The following BCHE variants were observed in gnomAD, a reference collection of about 807,000 sequenced individuals.
BCHE encodes cholinesterase.
A neutral mutation model predicts 51.3 loss-of-function variants in BCHE; 48 were observed. The observed-to-expected ratio is 0.94, with a 90% CI of 0.74 to 1.19. BCHE has a LOEUF of 1.19. Among genes scored for constraint, BCHE ranks in the 50% most tolerant of loss-of-function variants. BCHE has a pLI of 0.00. For synonymous variants in BCHE, 251 were observed against 238.0 expected, an observed-to-expected ratio of 1.05 and a Z score of -0.50; for missense variants, 847 against 708.2, an observed-to-expected ratio of 1.20 and a Z score of -2.23.
rs975738967 is a variant in BCHE, at chr3:165,829,639, C to T, written c.1395G>A (p.Met465Ile). 7 of 1,613,736 alleles carry T rather than the reference C, an allele frequency of 4.3e-6. No individual in the cohort carries two copies. In the African/African-American group the frequency reaches 6.7e-5, roughly 15 times the overall value. Reference protein sequence around the residue: ...KLPWPEWMGVMHGYEIEFVFG... With the variant: ...KLPWPEWMGVIHGYEIEFVFG... ...AGACAAATTCAATTTCATAGCCATG[C>T]ATCACTCCCATCCATTCTGGCCACG... is the stretch of plus-strand genomic sequence containing the variant. The change falls in exon 2 of 4, where the codon ATG becomes ATA. Residue 465 changes from methionine (M) to isoleucine (I), a missense_variant. Coordinates refer to ENST00000264381, the MANE Select transcript of BCHE (RefSeq NM_000055.4).
intron 2 of BCHE, among the ~76,000 whole-genome samples, chr3:165,814,215 C>T (rs1448242243): frequency 1.3e-5 from 2 of 149,662 alleles, no homozygotes; most frequent in Admixed American, 1.4e-4. Flanking sequence ...TTACAAATAA[C>T]ACATTTTCTG....
chr3:165,786,145 C>T lies in BCHE; in HGVS notation c.1684G>A (p.Gly562Arg). ...AACCAAACACTAAAAACAGACACAC[C>T]TGTCATTTCCAAGACTTTTGGAAAA... ...SFFPKVLEMT[G>R]NIDEAEWEWK... is the part of the protein sequence containing the mutation. Residue 562 changes from glycine to arginine, a missense_variant and splice_region_variant, in exon 3 of 4, where the codon GGA becomes AGA. By Grantham distance (125) the Gly-to-Arg change is moderately radical (BLOSUM62 -2). Coordinates refer to ENST00000264381, the MANE Select transcript of BCHE (RefSeq NM_000055.4). 1 of 1,611,150 alleles carries T rather than the reference C, an allele frequency of 6.2e-7. No homozygotes were observed. The highest frequency in any genetic ancestry group is 8.5e-7 in the Non-Finnish European group (1 of 1,177,868).
intron 2 of BCHE, among the ~76,000 whole-genome samples, chr3:165,800,677 A>T (rs1237673159): frequency 6.6e-6 from 1 of 152,118 alleles, no homozygotes; most frequent in African/African-American, 2.4e-5. Flanking sequence ...GAGAAATGGC[A>T]TATGAGGGCT....
At chr3:165,817,522 C>T (rs1714356192) in intron 2 of BCHE, among the ~76,000 whole-genome samples, 1 of 151,912 alleles carries the variant, frequency 6.6e-6, no homozygotes, top group Admixed American at 6.6e-5. Context: ...ATACCTATTC[C>T]AGCCGCACTA....
At chr3:165,780,454 A>G (rs1240711320) in intron 3 of BCHE, among the ~76,000 whole-genome samples, 2 of 152,224 alleles carry the variant, frequency 1.3e-5, no homozygotes, top group South Asian at 2.1e-4. Context: ...AAAATAAACT[A>G]TCATCAGAGT....
At chr3:165,778,025 A>C (rs1712540979) in intron 3 of BCHE, among the ~76,000 whole-genome samples, 1 of 152,102 alleles carries the variant, frequency 6.6e-6, no homozygotes, top group Non-Finnish European at 1.5e-5. Context: ...CTTAATCAGT[A>C]GTTAAATTTT....
At chr3:165,810,069 A>G (rs1327093956) in intron 2 of BCHE, among the ~76,000 whole-genome samples, 4 of 152,210 alleles carry the variant, frequency 2.6e-5, no homozygotes, top group Admixed American at 6.5e-5. Flanking sequence ...CATGCTTACT[A>G]AGTGACAGAC....
intron 2 of BCHE, among the ~76,000 whole-genome samples, chr3:165,786,650 T>C (rs770408394): frequency 6.6e-6 from 1 of 151,804 alleles, no homozygotes; most frequent in Non-Finnish European, 1.5e-5. Flanking sequence ...TGTTTCATTA[T>C]CTTCCCTTAT....
At chr3:165,814,943 TTTAA>T (rs1714248403) in intron 2 of BCHE, among the ~76,000 whole-genome samples, 1 of 148,822 alleles carries the variant, frequency 6.7e-6, no homozygotes, top group South Asian at 2.1e-4. Flanking sequence ...TATACTAATA[TTTAA>T]TTATAAATTT....
intron 2 of BCHE, among the ~76,000 whole-genome samples, chr3:165,805,524 T>C (rs1048700000): frequency 6.6e-6 from 1 of 152,182 alleles, no homozygotes; most frequent in African/African-American, 2.4e-5. Context: ...CAATGTTTTG[T>C]TACATATTTT....
intron 2 of BCHE, among the ~76,000 whole-genome samples, chr3:165,817,979 T>A (rs914476615): frequency 1.3e-5 from 2 of 152,072 alleles, no homozygotes; most frequent in South Asian, 2.1e-4. Context: ...CTGACCATAA[T>A]TATTTTATAC....
chr3:165,781,723 G>A (rs1280779955), intron 3 of BCHE, among the ~76,000 whole-genome samples: 1 of 151,970 alleles, frequency 6.6e-6, no homozygotes, highest in Non-Finnish European at 1.5e-5. Flanking sequence ...AAACCTGCAC[G>A]TTCTACACAT....
chr3:165,773,191 C>A lies in BCHE; in HGVS notation c.*191G>T. 3.9e-6 allele frequency: 2 copies of A among 512,286 alleles called. No homozygotes were observed. The highest frequency in any genetic ancestry group is 1.9e-5 in the African/African-American group (1 of 51,534). The allele number at this position is 512,286 out of a possible 1,614,324, so 31.7% of individuals were successfully genotyped here. A position where few individuals can be genotyped will look rare whatever the true frequency, so the allele number is the denominator to read the frequency against. Reference sequence around the variant, plus strand: ...CTTTATATTGTGAAATTTAATTAAACACGTTCTAGCCATTTGGGTTTTGAA... The same window carrying A: ...CTTTATATTGTGAAATTTAATTAAAAACGTTCTAGCCATTTGGGTTTTGAA... On this transcript the variant is annotated 3_prime_UTR_variant, in exon 4 of 4. Transcript: ENST00000264381.
chr3:165,785,662 AT>A (rs953261344), intron 3 of BCHE, among the ~76,000 whole-genome samples: 3 of 151,604 alleles, frequency 2.0e-5, no homozygotes, highest in African/African-American at 7.2e-5. Flanking sequence ...ATATTTAGAA[AT>A]TTTTTATTGT....
chr3:165,796,594 G>T (rs897884748), intron 2 of BCHE, among the ~76,000 whole-genome samples: 2 of 152,050 alleles, frequency 1.3e-5, no homozygotes, highest in Non-Finnish European at 2.9e-5. Flanking sequence ...TATTTTCACC[G>T]TTGCTGAGAT....
chr3:165,816,934 T>C (rs1280544300), intron 2 of BCHE, among the ~76,000 whole-genome samples: 1 of 152,096 alleles, frequency 6.6e-6, no homozygotes, highest in East Asian at 1.9e-4. Context: ...TTTTTCTCCC[T>C]TGAATTTCAG....
rs114991020 is a variant in BCHE at position 165,830,100 on chromosome 3, T to A, written c.934A>T (p.Thr312Ser). Residue 312 changes from threonine (T) to serine (S), a missense_variant, in exon 2 of 4, where the codon ACT becomes TCT. Coordinates refer to ENST00000264381, the MANE Select transcript of BCHE (RefSeq NM_000055.4). ...LNEAFVVPYGTPLSVNFGPTV... is the reference protein window; with the variant it reads ...LNEAFVVPYGSPLSVNFGPTV... ...GGACCAAAGTTTACTGACAAAGGAG[T>A]CCCATAGGGGACAACAAATGCTTCA... The A allele has an allele frequency of 3.9e-5, 63 of 1,613,582 alleles. No homozygotes were observed. The East Asian group carries it at 1.4e-3, about 36-fold the overall frequency.
In BCHE at chr3:165,773,172, AT is replaced by A; in HGVS notation, c.*209del. ...CACATAATTAACTGTAGAACTTTAT[AT>A]TGTGAAATTTAATTAAACACGTTCT... is the stretch of plus-strand genomic sequence containing the variant. On this transcript the variant is annotated 3_prime_UTR_variant, in exon 4 of 4. Transcript: ENST00000264381. The A allele has an allele frequency of 2.1e-6, 1 of 475,496 alleles. No individual in the cohort carries two copies. Among genetic ancestry groups the A allele is most frequent in the Non-Finnish European group, 3.7e-6 (1 of 268,316 alleles). The allele number at this position is 475,496 out of a possible 1,614,324, so 29.5% of individuals were successfully genotyped here.
intron 2 of BCHE, among the ~76,000 whole-genome samples, chr3:165,814,202 G>T (rs187349723): frequency 6.6e-6 from 1 of 150,914 alleles, no homozygotes; most frequent in Admixed American, 6.7e-5. Flanking sequence ...TTAGTTTAAG[G>T]TTTTACAAAT....
Sources: gnomAD v4.1 joint callset for allele counts (sites outside exome capture counted in the v4.1 genomes callset) on GRCh38, gnomAD v4.1.1 for gene constraint, MANE v1.5 for transcripts, NCBI Gene and HGNC (gene_info 2026-07-23, HGNC 2026-07-21) for gene names.